The following FHIT variants were observed in gnomAD, a reference collection of about 807,000 sequenced individuals.
The protein encoded by FHIT is bis(5'-adenosyl)-triphosphatase.
Under a neutral mutation model 17.9 loss-of-function variants are expected in FHIT, and 19 were observed. The ratio of observed to expected loss-of-function variants is 1.06; its 90% CI spans 0.74 to 1.56. The LOEUF (loss-of-function observed/expected upper bound fraction) is 1.56, where lower values mean the gene tolerates loss of function less well. Ranked by LOEUF, FHIT falls within the 40% of genes most tolerant of loss-of-function variation. The pLI, the probability that FHIT is intolerant of heterozygous loss-of-function variation, is 0.00. For missense variants in FHIT, 248 were observed against 189.2 expected, an observed-to-expected ratio of 1.31 and a Z score of -1.82; for synonymous variants, 81 against 69.7, an observed-to-expected ratio of 1.16 and a Z score of -0.81.
At chr3:60,930,779 A>G (rs1707910227) in intron 3 of FHIT, among the ~76,000 whole-genome samples, 1 of 152,222 alleles carries the variant, frequency 6.6e-6, no homozygotes, top group African/African-American at 2.4e-5. Flanking sequence ...ACTGTAAACT[A>G]GTTCAACCAT....
chr3:60,959,094 A>C (rs1709296411), intron 3 of FHIT, among the ~76,000 whole-genome samples: 1 of 152,176 alleles, frequency 6.6e-6, no homozygotes, highest in South Asian at 2.1e-4. Flanking sequence ...AATGGTCCTC[A>C]TGAATTTTCC....
At chr3:60,488,480 G>A (rs1235527682) in intron 5 of FHIT, among the ~76,000 whole-genome samples, 1 of 152,100 alleles carries the variant, frequency 6.6e-6, no homozygotes, top group Non-Finnish European at 1.5e-5. Context: ...TAAGTAAAAG[G>A]TGGGTTACCT....
chr3:60,676,383 G>A (rs368529508), intron 4 of FHIT, among the ~76,000 whole-genome samples: 9 of 152,198 alleles, frequency 5.9e-5, no homozygotes, highest in African/African-American at 2.2e-4. Flanking sequence ...ATAGAAGGCT[G>A]CAATCTGGAA....
chr3:60,113,098 T>C lies in FHIT; in HGVS notation c.104-98946A>G, dbSNP rs1019445861. 3.3e-5 allele frequency among the ~76,000 whole-genome samples: 5 copies of C among 152,220 alleles called. No homozygotes were observed. In the East Asian group the frequency reaches 9.6e-4, roughly 29 times the overall value. ...GCCTCTTCTCCTGACCCATGAATTC[T>C]GTGTCTGCTTACCAATAGGTAAGTC... On this transcript the variant is annotated intron_variant, in intron 5 of 9. Transcript: ENST00000492590.
intron 5 of FHIT, among the ~76,000 whole-genome samples, chr3:60,247,039 G>A (rs532211546): frequency 6.6e-6 from 1 of 152,218 alleles, no homozygotes; most frequent in African/African-American, 2.4e-5. Flanking sequence ...ATCACTAAGA[G>A]TGAACCCTAA....
chr3:60,624,796 T>C (rs1368838406), intron 4 of FHIT, among the ~76,000 whole-genome samples: 3 of 151,998 alleles, frequency 2.0e-5, no homozygotes, highest in Non-Finnish European at 4.4e-5. Flanking sequence ...GTAACATGTA[T>C]CAGTACTTCA....
chr3:59,955,600 G>C (rs1480209688), intron 7 of FHIT, among the ~76,000 whole-genome samples: 1 of 152,070 alleles, frequency 6.6e-6, no homozygotes, highest in Non-Finnish European at 1.5e-5. Flanking sequence ...AGTCATAGAA[G>C]AGTCTCAACC....
At chr3:60,706,281 A>G (rs1198477168) in intron 4 of FHIT, among the ~76,000 whole-genome samples, 1 of 152,104 alleles carries the variant, frequency 6.6e-6, no homozygotes, top group African/African-American at 2.4e-5. Flanking sequence ...CATTAGGACT[A>G]ATGCATGCGG....
intron 4 of FHIT, among the ~76,000 whole-genome samples, chr3:60,637,937 G>A (rs1352423385): frequency 5.9e-5 from 9 of 152,146 alleles, no homozygotes; most frequent in African/African-American, 2.2e-4. Context: ...GTTGTGGAAA[G>A]CTATCAAAAC....
intron 8 of FHIT, among the ~76,000 whole-genome samples, chr3:59,830,910 T>A (rs1018713823): frequency 1.3e-5 from 2 of 152,218 alleles, no homozygotes; most frequent in African/African-American, 4.8e-5. Context: ...TCGAACAGTA[T>A]GACTGCTTTT....
At chr3:59,980,022 C>A (rs1306803146) in intron 7 of FHIT, among the ~76,000 whole-genome samples, 1 of 152,130 alleles carries the variant, frequency 6.6e-6, no homozygotes, top group African/African-American at 2.4e-5. Flanking sequence ...GACTTTTCTT[C>A]CTAATTTAAC....
At chr3:60,206,004 G>C (rs1032337817) in intron 5 of FHIT, among the ~76,000 whole-genome samples, 9 of 150,184 alleles carry the variant, frequency 6.0e-5, no homozygotes, top group Non-Finnish European at 1.3e-4. Context: ...GTGGTTGCAG[G>C]CACCTATAGT....
intron 5 of FHIT, among the ~76,000 whole-genome samples, chr3:60,491,543 G>A (rs1201455623): frequency 6.6e-6 from 1 of 152,134 alleles, no homozygotes; most frequent in African/African-American, 2.4e-5. Flanking sequence ...GAAGATGTCA[G>A]ACAATCAATT....
intron 3 of FHIT, among the ~76,000 whole-genome samples, chr3:60,965,733 A>T (rs1481189277): frequency 1.3e-5 from 2 of 152,216 alleles, no homozygotes; most frequent in African/African-American, 4.8e-5. Context: ...GTGTATCACC[A>T]GCGGAGGCTG....
intron 5 of FHIT, among the ~76,000 whole-genome samples, chr3:60,464,929 C>T (rs1242875925): frequency 3.9e-5 from 6 of 152,070 alleles, no homozygotes; most frequent in African/African-American, 7.2e-5. Flanking sequence ...TGAGTAACCT[C>T]CAAACTGTCC....
intron 4 of FHIT, among the ~76,000 whole-genome samples, chr3:60,598,299 C>A (rs566517049): frequency 4.1e-4 from 63 of 152,168 alleles, no homozygotes; most frequent in African/African-American, 1.4e-3. Flanking sequence ...AGCGATCAAG[C>A]AAAATGTTGA....
intron 5 of FHIT, among the ~76,000 whole-genome samples, chr3:60,449,088 G>T (rs1404470131): frequency 6.6e-6 from 1 of 152,118 alleles, no homozygotes; most frequent in African/African-American, 2.4e-5. Context: ...GCCTCTGAAG[G>T]TTACTTCCCA....
At chr3:60,558,206 C>T (rs1182789386) in intron 4 of FHIT, among the ~76,000 whole-genome samples, 1 of 151,990 alleles carries the variant, frequency 6.6e-6, no homozygotes, top group Non-Finnish European at 1.5e-5. Context: ...AGACCCTGCC[C>T]TACCTTTGTT....
chr3:60,036,561 A>G (rs1238634365), intron 5 of FHIT, among the ~76,000 whole-genome samples: 1 of 152,220 alleles, frequency 6.6e-6, no homozygotes, highest in African/African-American at 2.4e-5. Flanking sequence ...TATATCATAA[A>G]GATACTTAAA....
Sources: gnomAD v4.1 joint callset for allele counts (sites outside exome capture counted in the v4.1 genomes callset) on GRCh38, gnomAD v4.1.1 for gene constraint, MANE v1.5 for transcripts, NCBI Gene and HGNC (gene_info 2026-07-23, HGNC 2026-07-21) for gene names.